The following POMK variants were observed in gnomAD, a reference collection of about 807,000 sequenced individuals.
POMK encodes the protein protein O-mannose kinase, also known as Sugen kinase 196.
Under a neutral mutation model 23.0 loss-of-function variants are expected in POMK, and 19 were observed. That is an observed-to-expected ratio of 0.83 (90% CI 0.58 to 1.21). The LOEUF (loss-of-function observed/expected upper bound fraction) is 1.21, where lower values mean the gene tolerates loss of function less well. Among genes scored for constraint, POMK ranks in the 50% most tolerant of loss-of-function variants. The probability of loss-of-function intolerance (pLI) is 0.00; values close to 1 mark genes in which losing one functional copy is unlikely to be tolerated. For missense variants in POMK, 410 were observed against 431.3 expected (o/e 0.95, Z 0.44); for synonymous variants, 173 against 171.6 (o/e 1.01, Z -0.06).
intron 4 of POMK, among the ~76,000 whole-genome samples, chr8:43,113,457 T>C (rs992985362): frequency 2.0e-5 from 3 of 152,246 alleles, no homozygotes; most frequent in African/African-American, 7.2e-5. Context: ...GGCTTTCAGC[T>C]CCATCAGCTC....
intron 4 of POMK, among the ~76,000 whole-genome samples, chr8:43,115,765 C>T (rs1027103609): frequency 6.6e-6 from 1 of 152,162 alleles, no homozygotes; most frequent in African/African-American, 2.4e-5. Flanking sequence ...GCTCAAAATC[C>T]TTTGGTGCTC....
chr8:43,104,927 G>A lies in POMK; in HGVS notation c.282+1097G>A, dbSNP rs1412366280. Among the ~76,000 whole-genome samples the A allele has an allele frequency of 2.0e-5, 3 of 151,868 alleles. No individual in the cohort carries two copies. The East Asian group carries it at 5.8e-4, about 29-fold the overall frequency. The stretch of plus-strand genomic sequence containing the variant: ...AGACTGGGTGACAGAGCAAGATGCT[G>A]TCTCCAAAGGAAAAAAAAAATATGA... On this transcript the variant is annotated intron_variant, in intron 4 of 4. Transcript: ENST00000331373.
chr8:43,094,726 T>G (rs1028291035), intron 1 of POMK, among the ~76,000 whole-genome samples: 6 of 152,238 alleles, frequency 3.9e-5, no homozygotes, highest in African/African-American at 1.4e-4. Flanking sequence ...TGTAAGTCGG[T>G]AAAAACTAGT....
At chr8:43,113,877 C>G (rs1266500884) in intron 4 of POMK, among the ~76,000 whole-genome samples, 1 of 152,236 alleles carries the variant, frequency 6.6e-6, no homozygotes, top group Non-Finnish European at 1.5e-5. Flanking sequence ...GAGGTCCACT[C>G]CAGACCCTGT....
intron 4 of POMK, among the ~76,000 whole-genome samples, chr8:43,117,062 C>T (rs773933874): frequency 1.3e-5 from 2 of 152,184 alleles, no homozygotes; most frequent in Non-Finnish European, 2.9e-5. Flanking sequence ...AAAGGACTTT[C>T]ACAAGGTAAT....
intron 2 of POMK, among the ~76,000 whole-genome samples, chr8:43,098,648 C>T (rs959055607): frequency 3.3e-5 from 5 of 152,234 alleles, no homozygotes; most frequent in East Asian, 1.9e-4. Flanking sequence ...GTTGCTGGGT[C>T]GTGTGGTGAC....
rs558612457 is a variant in POMK, at chr8:43,107,208, T to C, written c.282+3378T>C. On this transcript the variant is annotated intron_variant, in intron 4 of 4. Coordinates refer to ENST00000331373, the MANE Select transcript of POMK (RefSeq NM_032237.5). ...CAAAAATATTAGGATTTAGTCTAAA[T>C]TGAAGAAAAAAAAAACTAACAACAT... 2.0e-5 allele frequency among the ~76,000 whole-genome samples: 3 copies of C among 152,102 alleles called. No individual in the cohort carries two copies. The South Asian group carries it at 6.2e-4, about 32-fold the overall frequency.
chr8:43,118,319 T>C (rs1335469936), intron 4 of POMK, among the ~76,000 whole-genome samples: 1 of 152,214 alleles, frequency 6.6e-6, no homozygotes, highest in Non-Finnish European at 1.5e-5. Flanking sequence ...ATGTATGTTA[T>C]AACGCCATTA....
intron 4 of POMK, among the ~76,000 whole-genome samples, chr8:43,110,263 T>G (rs1397579647): frequency 6.6e-6 from 1 of 152,246 alleles, no homozygotes; most frequent in Non-Finnish European, 1.5e-5. Context: ...GTGGAAAGCC[T>G]GGTGAGTAAG....
intron 4 of POMK, among the ~76,000 whole-genome samples, chr8:43,113,150 G>A (rs1221338313): frequency 6.6e-6 from 1 of 152,154 alleles, no homozygotes; most frequent in South Asian, 2.1e-4. Flanking sequence ...GAATCTGAAA[G>A]TTGGCCTGCC....
At chr8:43,108,532 TAAAAG>T (rs1159341358) in intron 4 of POMK, among the ~76,000 whole-genome samples, 7 of 152,182 alleles carry the variant, frequency 4.6e-5, no homozygotes, top group African/African-American at 1.7e-4. Flanking sequence ...GTAAATAGCT[TAAAAG>T]AAATTTCCCT....
At chr8:43,112,128 G>A (rs1480018634) in intron 4 of POMK, among the ~76,000 whole-genome samples, 1 of 152,154 alleles carries the variant, frequency 6.6e-6, no homozygotes, top group Non-Finnish European at 1.5e-5. Flanking sequence ...CGAGCTAAAG[G>A]AGGAAGTTCG....
chr8:43,119,732 A>C (rs1016650050), intron 4 of POMK, among the ~76,000 whole-genome samples: 2 of 152,038 alleles, frequency 1.3e-5, no homozygotes, highest in South Asian at 4.1e-4. Context: ...CGTCCGGCCC[A>C]AAAACAGCTT....
rs1316769657 is a variant in POMK, at chr8:43,103,648, C to G, written c.100C>G (p.Leu34Val). 6.2e-7 allele frequency: 1 copy of G among 1,613,962 alleles called. No individual in the cohort carries two copies. The highest frequency in any genetic ancestry group is 1.3e-5 in the African/African-American group (1 of 74,898). Residue 34 changes from leucine to valine, a missense_variant, in exon 4 of 5, where the codon CTC (leucine) becomes GTC (valine). Coordinates refer to ENST00000331373, the MANE Select transcript of POMK (RefSeq NM_032237.5). ...LLIMALMNTL[L>V]YLCLDHFFIA... The stretch of plus-strand genomic sequence containing the variant: ...GATCATGGCCCTGATGAATACTCTG[C>G]TCTACCTCTGCCTCGACCACTTCTT...
At position 43,122,451 on chromosome 8, in the gene POMK, G is replaced by A. The variant is rs771102494; in HGVS notation, c.627G>A (p.Pro209=). Reference sequence around the variant, plus strand: ...TCATGTGCGACTCCAACGACCTGCCGAAGACACTGTCCCAGTATCTGCTAA... The same window carrying A: ...TCATGTGCGACTCCAACGACCTGCCAAAGACACTGTCCCAGTATCTGCTAA... ...TRVMCDSNDL[P]KTLSQYLLTS... Residue 209 remains proline, a synonymous_variant, in exon 5 of 5, where the codon CCG becomes CCA. Transcript: ENST00000331373. 19 of 1,613,978 alleles carry A rather than the reference G, an allele frequency of 1.2e-5. No individual in the cohort carries two copies. The highest frequency in any genetic ancestry group is 1.1e-4 in the South Asian group (10 of 91,078).
chr8:43,117,884 TTC>T (rs942073216), intron 4 of POMK, among the ~76,000 whole-genome samples: 17 of 152,200 alleles, frequency 1.1e-4, no homozygotes, highest in African/African-American at 3.9e-4. Flanking sequence ...ATTTGGTAAA[TTC>T]TGTCTGCCTA....
intron 1 of POMK, among the ~76,000 whole-genome samples, chr8:43,096,550 G>C (rs1408207415): frequency 1.3e-5 from 2 of 152,016 alleles, no homozygotes; most frequent in African/African-American, 4.8e-5. Context: ...TCCCAGCTCT[G>C]TAATCCCAGC....
chr8:43,096,679 GAAAA>G (rs1811341051), intron 1 of POMK, among the ~76,000 whole-genome samples: 1 of 149,338 alleles, frequency 6.7e-6, no homozygotes, highest in Non-Finnish European at 1.5e-5. Context: ...CTCAAAAAAA[GAAAA>G]AAGAAAAAAA....
chr8:43,109,726 AG>A (rs1258375242), intron 4 of POMK, among the ~76,000 whole-genome samples: 1 of 151,948 alleles, frequency 6.6e-6, no homozygotes, highest in African/African-American at 2.4e-5. Context: ...TATTTTTAGT[AG>A]AGACAGGGTT....
Sources: gnomAD v4.1 joint callset for allele counts (sites outside exome capture counted in the v4.1 genomes callset) on GRCh38, gnomAD v4.1.1 for gene constraint, MANE v1.5 for transcripts, NCBI Gene and HGNC (gene_info 2026-07-23, HGNC 2026-07-21) for gene names.